Variants in PLEC observed in about 807,000 individuals in gnomAD.
PLEC encodes plectin.
PLEC carries 216 observed loss-of-function variants against 392.8 expected under a neutral mutation model. The ratio of observed to expected loss-of-function variants is 0.55; its 90% CI spans 0.49 to 0.62. The LOEUF is 0.62. Among genes scored for constraint, PLEC ranks in the 20% least tolerant of loss-of-function variants. The pLI, the probability that PLEC is intolerant of heterozygous loss-of-function variation, is 0.00. For synonymous variants in PLEC, 3,621 were observed against 2,980.6 expected, an observed-to-expected ratio of 1.21 and a Z score of -7.00; for missense variants, 6,863 against 6,563.4, an observed-to-expected ratio of 1.05 and a Z score of -1.58.
Position 143,919,189 on chromosome 8 carries a change from T to C in PLEC, c.10632A>G (p.Lys3544=). The stretch of plus-strand genomic sequence containing the variant: ...CCACCACCTCAGCCTTCTCCGCCCC[T>C]TTCAGTGGCAGAAGGCGCAAGCCCG... ...PETGLRLLPL[K]GAEKAEVVET... The change falls in exon 32 of 32, where the codon AAA becomes AAG. Residue 3544 remains lysine (K), a synonymous_variant. Transcript: ENST00000345136. 2 of 1,613,788 alleles carry C rather than the reference T, an allele frequency of 1.2e-6. No individual in the cohort carries two copies. The highest frequency in any genetic ancestry group is 1.7e-6 in the Non-Finnish European group (2 of 1,179,998).
At chr8:143,940,869 C>T (rs1207876320), upstream of PLEC, among the ~76,000 whole-genome samples, 3 of 152,192 alleles carry the variant, frequency 2.0e-5, no homozygotes, top group East Asian at 1.9e-4. Context: ...TCGTACACGC[C>T]GCCCAACGAA....
exon 1 of PLEC, chr8:143,950,230 G>A (rs1373996782): frequency 6.4e-7 from 1 of 1,557,998 alleles, no homozygotes; most frequent in African/African-American, 1.4e-5. Flanking sequence ...GGGTCCGCTG[G>A]GTGGTAGCAG....
chr8:143,919,813 CG>C lies in PLEC; in HGVS notation c.10007del (p.Thr3336ArgfsTer45). ...AQFEQLKDGK[T>X]TVKDLSELGS... is the part of the protein sequence containing the mutation. Reference sequence around the variant, plus strand: ...CCAGCTCCGAAAGGTCCTTGACCGTCGTCTTGCCGTCCTTGAGCTGCTCAAA... The same window carrying C: ...CCAGCTCCGAAAGGTCCTTGACCGTCTCTTGCCGTCCTTGAGCTGCTCAAA... On this transcript the variant is annotated frameshift_variant, in exon 32 of 32. Transcript: ENST00000345136. LOFTEE classifies it high-confidence loss of function. 6.2e-7 allele frequency: 1 copy of C among 1,613,086 alleles called. No homozygotes were observed. The highest frequency in any genetic ancestry group is 8.5e-7 in the Non-Finnish European group (1 of 1,180,024).
Position 143,931,564 on chromosome 8 carries a change from G to A in PLEC, c.2274C>T (p.Thr758=). ...CATCCTGCAGCAGGTCCTCCAGCCG[G>A]GTGACGGTGGCGGAGCGATCACAAC... ...KYSCDRSATV[T]RLEDLLQDAQ... Residue 758 remains threonine, a synonymous_variant, in exon 19 of 32, where the codon ACC becomes ACT. Transcript: ENST00000345136. The A allele has an allele frequency of 6.3e-7, 1 of 1,596,478 alleles. No individual in the cohort carries two copies. Among genetic ancestry groups the A allele is most frequent in the Non-Finnish European group, 8.5e-7 (1 of 1,171,656 alleles).
In PLEC at chr8:143,973,417, C is replaced by G; in HGVS notation, c.56G>C (p.Arg19Pro). 6.4e-7 allele frequency: 1 copy of G among 1,553,144 alleles called. No homozygotes were observed. The highest frequency in any genetic ancestry group is 8.7e-7 in the Non-Finnish European group (1 of 1,149,840). The change falls in exon 1 of 32, where the codon CGC (arginine) becomes CCC (proline). Residue 19 changes from arginine to proline, a missense_variant. Transcript: ENST00000356346. This position sits in a 1 kb window ranked among gnomAD's most constrained non-coding sequence, Gnocchi z 5.6. ...GGGGGCCGTACCTTTGTACTTCTCGCGCACCTCCTCGTAGGCCTGGATGAA... is the reference window on the plus strand; with the variant it reads ...GGGGGCCGTACCTTTGTACTTCTCGGGCACCTCCTCGTAGGCCTGGATGAA...
intron 6 of PLEC, 46 bp downstream of exon 6, chr8:143,935,802 T>C: frequency 6.2e-7 from 1 of 1,601,540 alleles, no homozygotes; most frequent in Admixed American, 1.7e-5. Context: ...GGAGGCGCTG[T>C]GGGGGTGCCC....
At position 143,918,416 on chromosome 8, in the gene PLEC, G is replaced by A; in HGVS notation, c.11405C>T (p.Ala3802Val). 8 of 1,572,358 alleles carry A rather than the reference G, an allele frequency of 5.1e-6. No individual in the cohort carries two copies. The highest frequency in any genetic ancestry group is 6.0e-6 in the Non-Finnish European group (7 of 1,163,028). The stretch of plus-strand genomic sequence containing the variant: ...CACGATGCCGCCGGTGGCCAGCTGG[G>A]CATCCAGCAGCCGCAGGGCCTCCTC... ...PTEEALRLLD[A>V]QLATGGIVDP... Residue 3802 changes from alanine to valine, a missense_variant, in exon 32 of 32, where the codon GCC (alanine) becomes GTC (valine). Ala to Val is a moderately conservative substitution (Grantham distance 64). Coordinates refer to ENST00000345136, the MANE Select transcript of PLEC (RefSeq NM_201384.3).
chr8:143,968,287 C>T (rs1008251621), intron 1 of PLEC, among the ~76,000 whole-genome samples: 3 of 151,726 alleles, frequency 2.0e-5, no homozygotes, highest in African/African-American at 4.8e-5. Context: ...TTAAAATGTA[C>T]GTGCTTCAAA....
intron 1 of PLEC, among the ~76,000 whole-genome samples, chr8:143,962,423 G>A (rs1554741124): frequency 6.6e-6 from 1 of 152,202 alleles, no homozygotes; most frequent in East Asian, 1.9e-4. Context: ...ATTGTTTTAG[G>A]GCGCCCTGCC....
chr8:143,950,809 C>T, exon 1 of PLEC: 1 of 1,505,644 alleles, frequency 6.6e-7, no homozygotes, highest in Non-Finnish European at 8.9e-7. Flanking sequence ...CAGGGTGTGA[C>T]AGCGGGCAGC....
At chr8:143,932,057 GGCCCC>G in intron 17 of PLEC, 25 bp from the exon 18 acceptor site, 3 of 1,558,678 alleles carry the variant, frequency 1.9e-6, no homozygotes, top group African/African-American at 1.4e-5. Context: ...GTCCCGGTCA[GGCCCC>G]GCCCCGCCCC....
intron 1 of PLEC, chr8:143,944,897 G>T (rs1375518862): frequency 6.0e-6 from 1 of 166,050 alleles, no homozygotes; most frequent in South Asian, 2.0e-4. Flanking sequence ...CTTGGAACAT[G>T]ACGCACGGCG....
At position 143,917,143 on chromosome 8, in the gene PLEC, C is replaced by A. The variant is rs374458753; in HGVS notation, c.12678G>T (p.Thr4226=). The A allele has an allele frequency of 6.2e-7, 1 of 1,604,392 alleles. No individual in the cohort carries two copies. The highest frequency in any genetic ancestry group is 1.7e-5 in the Admixed American group (1 of 59,878). ...TGTCGGCGAACTCGGTGATGGAGAGCGTGCCGGCGCGGTACTGGTCCAGTG... is the reference window on the plus strand; with the variant it reads ...TGTCGGCGAACTCGGTGATGGAGAGAGTGCCGGCGCGGTACTGGTCCAGTG... The part of the protein sequence containing the change: ...RSALDQYRAG[T]LSITEFADML... Residue 4226 remains threonine (T), a synonymous_variant, in exon 32 of 32, where the codon ACG becomes ACT. Coordinates refer to ENST00000345136, the MANE Select transcript of PLEC (RefSeq NM_201384.3).
At chr8:143,952,160 G>A (rs1483987983), upstream of PLEC, among the ~76,000 whole-genome samples, 2 of 151,658 alleles carry the variant, frequency 1.3e-5, no homozygotes, top group African/African-American at 4.8e-5. Context: ...CCGTCGCCAT[G>A]GCGCCACGGT....
rs371443910 is a variant in PLEC at position 143,935,831 on chromosome 8, C to A, written c.602+17G>T. ...GGTGCCCCCAGCCCACAGCCCCCTG[C>A]CCCCGGGGCCATGTACTTGTGCCGG... On this transcript the variant is annotated intron_variant, in intron 6 of 31. Coordinates refer to ENST00000345136, the MANE Select transcript of PLEC (RefSeq NM_201384.3). 1 of 1,611,910 alleles carries A rather than the reference C, an allele frequency of 6.2e-7. No homozygotes were observed. The highest frequency in any genetic ancestry group is 1.7e-5 in the Admixed American group (1 of 59,978).
At position 143,927,496 on chromosome 8, in the gene PLEC, G is replaced by C; in HGVS notation, c.3670C>G (p.Gln1224Glu). ...TGCTCCTGCCGCCGCCTGGCGTCCT[G>C]CAGCCAGGCGCCCAAGGGGTCTGCA... Reference protein sequence around the residue: ...ESADPLGAWLQDARRRQEQIQ... With the variant: ...ESADPLGAWLEDARRRQEQIQ... Residue 1224 changes from glutamine to glutamate, a missense_variant, in exon 27 of 32, where the codon CAG (glutamine) becomes GAG (glutamate). By Grantham distance (29) the Gln-to-Glu change is conservative. Transcript: ENST00000345136. The C allele has an allele frequency of 6.3e-7, 1 of 1,596,972 alleles. No individual in the cohort carries two copies.
In PLEC at chr8:143,919,897, G is replaced by A. The variant is rs782098286; in HGVS notation, c.9924C>T (p.Leu3308=). ...LRQERLSFSG[L]RAPVPASELL... is the part of the protein sequence containing the mutation. ...GCTCGCTGGCTGGCACAGGGGCACG[G>A]AGGCCGCTGAAGGACAGCCTCTCCT... Residue 3308 remains leucine (L), a synonymous_variant, in exon 32 of 32, where the codon CTC becomes CTT. Transcript: ENST00000345136. The A allele has an allele frequency of 3.1e-6, 5 of 1,613,096 alleles. No homozygotes were observed. The highest frequency in any genetic ancestry group is 1.1e-5 in the South Asian group (1 of 91,088).
In PLEC at chr8:143,918,382, G is replaced by C; in HGVS notation, c.11439C>G (p.Arg3813=). 6.4e-7 allele frequency: 1 copy of C among 1,567,180 alleles called. No homozygotes were observed. Among genetic ancestry groups the C allele is most frequent in the South Asian group, 1.1e-5 (1 of 87,390 alleles). ...QLATGGIVDP[R]LGFHLPLEVA... ...CCTCCAGGGGAAGGTGGAAGCCCAGGCGGGGGTCCACGATGCCGCCGGTGG... is the reference window on the plus strand; with the variant it reads ...CCTCCAGGGGAAGGTGGAAGCCCAGCCGGGGGTCCACGATGCCGCCGGTGG... The change falls in exon 32 of 32, where the codon CGC becomes CGG. Residue 3813 remains arginine, a synonymous_variant. Transcript: ENST00000345136.
At position 143,918,345 on chromosome 8, in the gene PLEC, G is replaced by A. The variant is rs781836500; in HGVS notation, c.11476C>T (p.Arg3826Cys). The A allele has an allele frequency of 1.1e-4, 173 of 1,579,434 alleles. 1 individual carries two copies. The Admixed American group carries it at 1.5e-3, about 14-fold the overall frequency. Residue 3826 changes from arginine to cysteine, a missense_variant, in exon 32 of 32, where the codon CGT becomes TGT. Physicochemically the swap from Arg to Cys is radical, Grantham distance 180 (BLOSUM62 -3). Coordinates refer to ENST00000345136, the MANE Select transcript of PLEC (RefSeq NM_201384.3). Reference protein sequence around the residue: ...FHLPLEVAYQRGYLNKDTHDQ... With the variant: ...FHLPLEVAYQCGYLNKDTHDQ... ...TGCGTGTCCTTGTTGAGGTAGCCAC[G>A]CTGGTAAGCCACCTCCAGGGGAAGG...
Sources: gnomAD v4.1 joint callset for allele counts (sites outside exome capture counted in the v4.1 genomes callset) on GRCh38, gnomAD v4.1.1 for gene constraint, Gnocchi (gnomAD v3.1) non-coding constraint, MANE v1.5 for transcripts, NCBI Gene and HGNC (gene_info 2026-07-23, HGNC 2026-07-21) for gene names.